Variants in CPXM2 observed in about 807,000 individuals in gnomAD.
The protein encoded by CPXM2 is inactive carboxypeptidase-like protein X2.
A neutral mutation model predicts 86.1 loss-of-function variants in CPXM2; 66 were observed. The ratio of observed to expected loss-of-function variants is 0.77; its 90% CI spans 0.63 to 0.94. CPXM2 has a LOEUF of 0.94. CPXM2 is among the 40% of genes least tolerant of loss of function. The pLI, the probability that CPXM2 is intolerant of heterozygous loss-of-function variation, is 0.00. For missense variants in CPXM2, 948 were observed against 1,026.3 expected (o/e 0.92, Z 1.04); for synonymous variants, 388 against 400.2 (o/e 0.97, Z 0.36).
chr10:123,887,400 T>C (rs1945195568), intron 1 of CPXM2, among the ~76,000 whole-genome samples: 1 of 152,206 alleles, frequency 6.6e-6, no homozygotes, highest in African/African-American at 2.4e-5. Flanking sequence ...GGTGGTTCCA[T>C]GAACCTGTAC....
chr10:123,821,622 T>C (rs1300589522), intron 4 of CPXM2, among the ~76,000 whole-genome samples: 1 of 152,212 alleles, frequency 6.6e-6, no homozygotes. Flanking sequence ...AGGGACACTA[T>C]GTCTGCATGT....
intron 1 of CPXM2, among the ~76,000 whole-genome samples, chr10:123,881,260 T>TCCCCTCCCCTCCCCTTCCCTCCCCCC (rs1945088174): frequency 2.2e-5 from 1 of 45,592 alleles, no homozygotes; most frequent in African/African-American, 1.6e-4. Context: ...TCCCTTCCCT[T>TCCCCTCCCCTCCCCTTCCCTCCCCCC]CCCTTTACGC....
At chr10:123,874,713 T>G (rs1012633554) in intron 2 of CPXM2, among the ~76,000 whole-genome samples, 26 of 152,164 alleles carry the variant, frequency 1.7e-4, no homozygotes, top group African/African-American at 6.0e-4. Flanking sequence ...TAGATCACAG[T>G]ATGCCAAGAA....
intron 4 of CPXM2, among the ~76,000 whole-genome samples, chr10:123,808,556 T>C (rs1397155009): frequency 1.3e-5 from 2 of 152,128 alleles, no homozygotes; most frequent in African/African-American, 2.4e-5. Context: ...CTCTCAAAAG[T>C]GGCTAAAAGA....
At chr10:123,759,301 T>G (rs2133982757) in intron 11 of CPXM2, among the ~76,000 whole-genome samples, 1 of 152,330 alleles carries the variant, frequency 6.6e-6, no homozygotes, top group Middle Eastern at 3.4e-3. Context: ...AACACCTGTC[T>G]ACAGAGAAAA....
chr10:123,914,086 C>A (rs184746994), intron 2 of CPXM2: 1 of 475,974 alleles, frequency 2.1e-6, no homozygotes, highest in East Asian at 6.0e-5. Context: ...ATGGAGCATG[C>A]AATTTGGGAG....
chr10:123,791,282 G>A lies in CPXM2; in HGVS notation c.889+6694C>T, dbSNP rs562079874. ...AACTACAAAATTAGCTGGGTGTGGT[G>A]GCACATGCCTGTAATCCCAGCTACT... is the stretch of plus-strand genomic sequence containing the variant. On this transcript the variant is annotated intron_variant, in intron 6 of 13. Transcript: ENST00000241305. Among the ~76,000 whole-genome samples, 13 of 152,258 alleles carry A rather than the reference G, an allele frequency of 8.5e-5. No individual in the cohort carries two copies. In the South Asian group the frequency reaches 2.5e-3, roughly 29 times the overall value.
intron 9 of CPXM2, among the ~76,000 whole-genome samples, chr10:123,767,796 T>C (rs1034428226): frequency 6.6e-6 from 1 of 152,136 alleles, no homozygotes; most frequent in South Asian, 2.1e-4. Context: ...ATATCATAAC[T>C]GGAACACAAA....
chr10:123,787,051 C>T (rs985572844), intron 6 of CPXM2, among the ~76,000 whole-genome samples: 2 of 152,128 alleles, frequency 1.3e-5, no homozygotes, highest in Non-Finnish European at 2.9e-5. Context: ...GCCCAAAAAC[C>T]GTGGTGATTT....
intron 4 of CPXM2, among the ~76,000 whole-genome samples, chr10:123,821,911 T>C (rs1049609747): frequency 1.1e-4 from 17 of 152,242 alleles, no homozygotes; most frequent in African/African-American, 3.9e-4. Context: ...GAGGAAAGGG[T>C]AAATGTCATT....
intron 3 of CPXM2, among the ~76,000 whole-genome samples, chr10:123,851,344 G>A (rs1289937278): frequency 6.6e-6 from 1 of 152,136 alleles, no homozygotes; most frequent in Non-Finnish European, 1.5e-5. Context: ...CCATCCTCAG[G>A]AAAGTCCTCC....
upstream of CPXM2, among the ~76,000 whole-genome samples, chr10:123,892,227 C>G (rs1590107820): frequency 6.6e-6 from 1 of 152,168 alleles, no homozygotes; most frequent in African/African-American, 2.4e-5. Flanking sequence ...TTCCCACTAG[C>G]CATGCTACTG....
intron 12 of CPXM2, among the ~76,000 whole-genome samples, chr10:123,755,772 A>T (rs1006921128): frequency 2.0e-5 from 3 of 152,238 alleles, no homozygotes; most frequent in Non-Finnish European, 4.4e-5. Flanking sequence ...ACATTCCATC[A>T]TTACCAATGA....
chr10:123,760,841 G>C (rs1331325029), intron 11 of CPXM2, among the ~76,000 whole-genome samples: 3 of 152,258 alleles, frequency 2.0e-5, no homozygotes, highest in Middle Eastern at 3.4e-3. Context: ...AAAGTGCAAG[G>C]GTTCAGAGAG....
At chr10:123,941,164 T>C (rs557878282), upstream of CPXM2, among the ~76,000 whole-genome samples, 9 of 152,012 alleles carry the variant, frequency 5.9e-5, no homozygotes, top group East Asian at 1.9e-4. Context: ...GAGCGAGACT[T>C]CATCTCAAAA....
chr10:123,929,976 C>T lies in CPXM2; in HGVS notation n.174+9501G>A, dbSNP rs142727517. On this transcript the variant is annotated intron_variant and non_coding_transcript_variant, in intron 2 of 19. Transcript: ENST00000368854. The stretch of plus-strand genomic sequence containing the variant: ...GCAGAGGTGACAGAGGTTCCCACCA[C>T]CTCCCCTCCCAGGCATCTGCTGTGG... 1.2e-4 allele frequency among the ~76,000 whole-genome samples: 19 copies of T among 152,330 alleles called. 1 individual carries two copies. The highest frequency in any genetic ancestry group is 2.5e-4 in the Non-Finnish European group (17 of 68,028).
intron 6 of CPXM2, among the ~76,000 whole-genome samples, chr10:123,796,232 C>A (rs1474774995): frequency 6.6e-6 from 1 of 152,216 alleles, no homozygotes; most frequent in African/African-American, 2.4e-5. Flanking sequence ...TTTGTACCAG[C>A]AATCCTATTT....
upstream of CPXM2, among the ~76,000 whole-genome samples, chr10:123,893,167 C>A (rs893799204): frequency 3.9e-5 from 6 of 152,284 alleles, no homozygotes; most frequent in East Asian, 5.8e-4. Flanking sequence ...GTGTAGATGT[C>A]TTTGGGAACC....
intron 4 of CPXM2, among the ~76,000 whole-genome samples, chr10:123,824,258 A>C (rs1441320260): frequency 1.3e-5 from 2 of 152,164 alleles, no homozygotes; most frequent in African/African-American, 4.8e-5. Flanking sequence ...CCAATTGACC[A>C]CTCTGCTGGC....
Sources: allele counts gnomAD v4.1 joint callset (sites outside exome capture counted in the v4.1 genomes callset), GRCh38; gene constraint gnomAD v4.1.1; transcripts MANE v1.5; gene names NCBI Gene and HGNC (gene_info 2026-07-23, HGNC 2026-07-21).